RBFOX3: variants seen among roughly 807,000 people sequenced by gnomAD.
RBFOX3 encodes the protein RNA binding fox-1 homolog 3, also known as RNA binding protein fox-1 homolog 3.
In RBFOX3, 17 loss-of-function variants were observed where a neutral mutation model predicts 48.7. The observed-to-expected ratio is 0.35, with a 90% CI of 0.24 to 0.52. The LOEUF (loss-of-function observed/expected upper bound fraction) is 0.52, where lower values mean the gene tolerates loss of function less well. RBFOX3 is among the 20% of genes least tolerant of loss of function. The pLI, the probability that RBFOX3 is intolerant of heterozygous loss-of-function variation, is 0.94. For missense variants in RBFOX3, 382 were observed against 497.5 expected (o/e 0.77, Z 2.21); for synonymous variants, 212 against 209.5 (o/e 1.01, Z -0.10).
intron 4 of RBFOX3, among the ~76,000 whole-genome samples, chr17:79,174,951 TC>T (rs1267321928): frequency 6.6e-6 from 1 of 152,170 alleles, no homozygotes; most frequent in Non-Finnish European, 1.5e-5. Context: ...GGTTCCTCCT[TC>T]CCCTGCTTGC....
chr17:79,104,322 C>T (rs1026336566), intron 6 of RBFOX3, among the ~76,000 whole-genome samples, 196 bp from the exon 7 acceptor site: 4 of 152,076 alleles, frequency 2.6e-5, no homozygotes, highest in Admixed American at 6.5e-5. Flanking sequence ...TTGGAGAAGG[C>T]GATGGTGGGG....
chr17:79,142,368 T>TA (rs2042085690), intron 4 of RBFOX3, among the ~76,000 whole-genome samples: 1 of 152,200 alleles, frequency 6.6e-6, no homozygotes. Context: ...TGATTGAGAT[T>TA]AAACTGAAAA....
At chr17:79,347,013 G>A (rs538119371) in intron 2 of RBFOX3, among the ~76,000 whole-genome samples, 1 of 152,194 alleles carries the variant, frequency 6.6e-6, no homozygotes, top group African/African-American at 2.4e-5. Context: ...ACAATTTTTT[G>A]TTCTTTCCAA....
chr17:79,386,736 C>A (rs1286159569), intron 2 of RBFOX3, among the ~76,000 whole-genome samples: 1 of 152,184 alleles, frequency 6.6e-6, no homozygotes, highest in Admixed American at 6.5e-5. Context: ...CCCCTCCAGG[C>A]TACCCGGCCC....
chr17:79,191,398 C>A (rs770439657), intron 4 of RBFOX3, among the ~76,000 whole-genome samples: 57 of 152,324 alleles, frequency 3.7e-4, no homozygotes, highest in Middle Eastern at 6.8e-3. Flanking sequence ...TAAAAAGCAA[C>A]CGCAAGGCCT....
intron 2 of RBFOX3, among the ~76,000 whole-genome samples, chr17:79,455,905 C>T (rs1051143359): frequency 3.9e-5 from 6 of 152,296 alleles, no homozygotes; most frequent in South Asian, 4.1e-4. Context: ...CTGCCTCTCT[C>T]GGACATTGCA....
the RBFOX3 span, among the ~76,000 whole-genome samples, chr17:79,663,789 C>T: frequency 9.0e-5 from 12 of 134,046 alleles, no homozygotes; most frequent in East Asian, 2.0e-3. Context: ...CGCAGTAAAT[C>T]TTGGGGCGGG....
At chr17:79,505,796 C>G (rs371947688) in intron 1 of RBFOX3, among the ~76,000 whole-genome samples, 1 of 152,254 alleles carries the variant, frequency 6.6e-6, no homozygotes, top group East Asian at 1.9e-4. Flanking sequence ...TGATATTGAT[C>G]TCTATCGCTG....
At chr17:79,429,892 G>C (rs1555727525) in intron 2 of RBFOX3, among the ~76,000 whole-genome samples, 1 of 152,190 alleles carries the variant, frequency 6.6e-6, no homozygotes, top group Non-Finnish European at 1.5e-5. Flanking sequence ...TGCTCAACTT[G>C]GGGCCTGTGC....
chr17:79,319,486 G>A (rs2078082787), intron 2 of RBFOX3, among the ~76,000 whole-genome samples: 1 of 152,168 alleles, frequency 6.6e-6, no homozygotes, highest in African/African-American at 2.4e-5. Context: ...CCCTCCAAGA[G>A]CAGCCTGGGC....
At chr17:79,271,085 T>TCTC (rs2067599346) in intron 3 of RBFOX3, among the ~76,000 whole-genome samples, 1 of 146,736 alleles carries the variant, frequency 6.8e-6, no homozygotes. Flanking sequence ...AGATTTTTTT[T>TCTC]TTTTTTTGAG....
intron 3 of RBFOX3, among the ~76,000 whole-genome samples, chr17:79,251,409 C>A (rs2063938602): frequency 6.6e-6 from 1 of 152,160 alleles, no homozygotes; most frequent in African/African-American, 2.4e-5. Flanking sequence ...TTCAGCACCC[C>A]CAAACTCACT....
intron 2 of RBFOX3, among the ~76,000 whole-genome samples, chr17:79,350,562 T>C (rs2083725476): frequency 6.6e-6 from 1 of 152,240 alleles, no homozygotes; most frequent in South Asian, 2.1e-4. Flanking sequence ...TCCTTAGTCC[T>C]GGGCAAGTCC....
rs1348848688 is a variant in RBFOX3 at position 79,089,895 on chromosome 17, C to T, written c.*988G>A. On this transcript the variant is annotated 3_prime_UTR_variant, in exon 15 of 15. Coordinates refer to ENST00000693108, the MANE Select transcript of RBFOX3 (RefSeq NM_001350451.2). ...CTTGCCCTTCCCATGGGCCCCTGCTCTGGCTGTGCCCGTCCAGGCCCACAG... is the reference window on the plus strand; with the variant it reads ...CTTGCCCTTCCCATGGGCCCCTGCTTTGGCTGTGCCCGTCCAGGCCCACAG... The T allele has an allele frequency of 6.6e-6, 1 of 152,396 alleles. No homozygotes were observed. The highest frequency in any genetic ancestry group is 3.2e-3 in the Middle Eastern group (1 of 316). The allele number at this position is 152,396 out of a possible 1,614,324, so 9.4% of individuals were successfully genotyped here. A position where few individuals can be genotyped will look rare whatever the true frequency, so the allele number is the denominator to read the frequency against.
intron 1 of RBFOX3, among the ~76,000 whole-genome samples, chr17:79,556,958 A>G (rs2091805075): frequency 6.6e-6 from 1 of 152,174 alleles, no homozygotes; most frequent in Admixed American, 6.5e-5. Flanking sequence ...TGAGAAACTG[A>G]CAAGGCTAGT....
chr17:79,169,274 TC>T (rs931805175), intron 4 of RBFOX3, among the ~76,000 whole-genome samples: 1 of 152,142 alleles, frequency 6.6e-6, no homozygotes, highest in Non-Finnish European at 1.5e-5. Context: ...GCTGGGTTTT[TC>T]TTTTTCACAC....
chr17:79,413,672 C>A (rs1407430695), intron 2 of RBFOX3, among the ~76,000 whole-genome samples: 1 of 152,228 alleles, frequency 6.6e-6, no homozygotes, highest in African/African-American at 2.4e-5. Context: ...AGGTGCACAC[C>A]TGGGCGATGG....
Position 79,207,696 on chromosome 17 carries a change from G to T in RBFOX3, c.-34+28070C>A, listed in dbSNP as rs1036775188. Among the ~76,000 whole-genome samples the T allele has an allele frequency of 3.3e-5, 5 of 152,154 alleles. No individual in the cohort carries two copies. In the South Asian group the frequency reaches 1.0e-3, roughly 32 times the overall value. The stretch of plus-strand genomic sequence containing the variant: ...CCTTCCCTTTTCTAGGGGGGTGTCT[G>T]CAAGTCTCTGTGCTGCCCTCTGGGG... On this transcript the variant is annotated intron_variant, in intron 4 of 14. Transcript: ENST00000693108.
rs142525482 is a variant in RBFOX3 at position 79,291,586 on chromosome 17, C to A, written c.-74+16138G>T. Among the ~76,000 whole-genome samples the A allele has an allele frequency of 1.1e-4, 17 of 152,326 alleles. No individual in the cohort carries two copies. In the East Asian group the frequency reaches 3.1e-3, roughly 28 times the overall value. On this transcript the variant is annotated intron_variant, in intron 3 of 14. Coordinates refer to ENST00000693108, the MANE Select transcript of RBFOX3 (RefSeq NM_001350451.2). The stretch of plus-strand genomic sequence containing the variant: ...TGTCATGCATCCACCCCTTGAGCCT[C>A]ACAGTCCCTTATTGCATCAGTAACA...
Sources: gnomAD v4.1 joint callset for allele counts (sites outside exome capture counted in the v4.1 genomes callset) on GRCh38, gnomAD v4.1.1 for gene constraint, MANE v1.5 for transcripts, NCBI Gene and HGNC (gene_info 2026-07-23, HGNC 2026-07-21) for gene names.